PTPRJ: variants seen among roughly 807,000 people sequenced by gnomAD.
The protein encoded by PTPRJ is protein tyrosine phosphatase receptor type J, also known as receptor-type tyrosine-protein phosphatase eta.
A neutral mutation model predicts 141.3 loss-of-function variants in PTPRJ; 129 were observed. That is an observed-to-expected ratio of 0.91 (90% CI 0.79 to 1.06). The LOEUF is 1.06. PTPRJ is among the 50% of genes least tolerant of loss of function. The pLI, the probability that PTPRJ is intolerant of heterozygous loss-of-function variation, is 0.00. For synonymous variants in PTPRJ, 610 were observed against 640.5 expected (o/e 0.95, Z 0.72); for missense variants, 1,601 against 1,679.7 (o/e 0.95, Z 0.82).
intron 1 of PTPRJ, among the ~76,000 whole-genome samples, chr11:48,081,471 T>G (rs1855555559): frequency 6.6e-6 from 1 of 152,106 alleles, no homozygotes; most frequent in South Asian, 2.1e-4. Flanking sequence ...GCGGACGACT[T>G]GGGGCTGGCC....
At chr11:48,027,171 AT>A (rs959364132) in intron 1 of PTPRJ, among the ~76,000 whole-genome samples, 1 of 148,316 alleles carries the variant, frequency 6.7e-6, no homozygotes, top group African/African-American at 2.5e-5. Flanking sequence ...CGCCCAGCTA[AT>A]TTTTTTTTGT....
chr11:48,014,957 T>C (rs1308786409), intron 1 of PTPRJ, among the ~76,000 whole-genome samples: 1 of 152,148 alleles, frequency 6.6e-6, no homozygotes, highest in Non-Finnish European at 1.5e-5. Flanking sequence ...CTGCCTGCCT[T>C]GGCCTCCCAA....
At position 48,073,058 on chromosome 11, in the gene PTPRJ, G is replaced by A. The variant is rs191616961; in HGVS notation, c.97-37000G>A. ...TTCATAGATACCATTTCATTTTAAC[G>A]TGGTTCTGCTGGTCAGAACAGTCTT... On this transcript the variant is annotated intron_variant, in intron 1 of 24. Coordinates refer to ENST00000418331, the MANE Select transcript of PTPRJ (RefSeq NM_002843.4). Among the ~76,000 whole-genome samples, 452 of 152,212 alleles carry A rather than the reference G, an allele frequency of 3.0e-3. 3 individuals are homozygous for A. Among genetic ancestry groups the A allele is most frequent in the Non-Finnish European group, 2.1e-3 (141 of 68,016 alleles).
intron 1 of PTPRJ, among the ~76,000 whole-genome samples, chr11:48,019,605 ACATT>A (rs1321195280): frequency 1.3e-5 from 2 of 152,188 alleles, no homozygotes; most frequent in Non-Finnish European, 2.9e-5. Context: ...AGACTCAGGA[ACATT>A]CAGTGTTTTG....
intron 1 of PTPRJ, among the ~76,000 whole-genome samples, chr11:48,101,530 G>A (rs543897695): frequency 6.6e-6 from 1 of 152,308 alleles, no homozygotes; most frequent in Admixed American, 6.5e-5. Flanking sequence ...ACAGAGACCC[G>A]ATTAGCATTT....
chr11:48,139,430 A>G (rs377444976), intron 10 of PTPRJ, 56 bp from the exon 11 acceptor site: 13 of 1,578,250 alleles, frequency 8.2e-6, no homozygotes, highest in South Asian at 6.8e-5. Flanking sequence ...CCCTATTTCC[A>G]TGTTTGCAAA....
chr11:48,150,155 C>A lies in PTPRJ; in HGVS notation c.3110C>A (p.Ser1037Tyr), dbSNP rs765532971. The change falls in exon 18 of 25, where the codon TCC becomes TAC. Residue 1037 changes from serine (S) to tyrosine (Y), a missense_variant. Ser to Tyr is a moderately radical substitution (Grantham distance 144, BLOSUM62 -2). Transcript: ENST00000418331. Reference sequence around the variant, plus strand: ...TACTTCAAGAAGCAGCAAGCTGACTCCAACTGTGGGTTCGCAGAGGAATAC... The same window carrying A: ...TACTTCAAGAAGCAGCAAGCTGACTACAACTGTGGGTTCGCAGAGGAATAC... ...EAYFKKQQAD[S>Y]NCGFAEEYED... The A allele has an allele frequency of 6.2e-7, 1 of 1,614,090 alleles. No individual in the cohort carries two copies. The highest frequency in any genetic ancestry group is 1.1e-5 in the South Asian group (1 of 91,076).
At chr11:48,149,909 G>C in intron 16 of PTPRJ, 81 bp from the exon 17 acceptor site, 1 of 1,126,528 alleles carries the variant, frequency 8.9e-7, no homozygotes, top group South Asian at 1.5e-5. Context: ...TGTTGTTTTG[G>C]GAAGATTGTT....
chr11:48,069,233 G>A (rs1855169604), intron 1 of PTPRJ, among the ~76,000 whole-genome samples: 1 of 151,560 alleles, frequency 6.6e-6, no homozygotes, highest in African/African-American at 2.4e-5. Context: ...CCGAGTAGCT[G>A]GGATTACAGG....
chr11:48,040,944 G>T (rs1278155843), intron 1 of PTPRJ, among the ~76,000 whole-genome samples: 2 of 151,866 alleles, frequency 1.3e-5, no homozygotes, highest in African/African-American at 2.4e-5. Flanking sequence ...GAGAGCTCCG[G>T]GTTGTCCTGC....
At chr11:48,019,663 A>G (rs1855057588) in intron 1 of PTPRJ, among the ~76,000 whole-genome samples, 1 of 152,076 alleles carries the variant, frequency 6.6e-6, no homozygotes, top group African/African-American at 2.4e-5. Context: ...TTCCCCTTCT[A>G]ATTATTTATC....
At chr11:48,165,101 A>G (rs1436066028) in intron 24 of PTPRJ, among the ~76,000 whole-genome samples, 20 of 152,216 alleles carry the variant, frequency 1.3e-4, no homozygotes, top group Non-Finnish European at 2.9e-4. Flanking sequence ...GACTCATTAA[A>G]TAATCTTAGG....
At chr11:48,051,048 A>C (rs1019571146) in intron 1 of PTPRJ, among the ~76,000 whole-genome samples, 1 of 136,274 alleles carries the variant, frequency 7.3e-6, no homozygotes, top group Non-Finnish European at 1.5e-5. Flanking sequence ...GGACTAATAT[A>C]GTACTTTTCA....
At chr11:47,990,112 C>T (rs778403229) in intron 1 of PTPRJ, among the ~76,000 whole-genome samples, 11 of 152,144 alleles carry the variant, frequency 7.2e-5, no homozygotes, top group Admixed American at 1.3e-4. Flanking sequence ...TGCCACTGCA[C>T]TCCAGCCTGG....
At chr11:48,052,462 C>T (rs542768606) in intron 1 of PTPRJ, among the ~76,000 whole-genome samples, 1 of 152,316 alleles carries the variant, frequency 6.6e-6, no homozygotes, top group East Asian at 1.9e-4. Flanking sequence ...TGCAGGCCCT[C>T]AACATTCCAG....
At chr11:48,035,907 C>T (rs1322314292) in intron 1 of PTPRJ, among the ~76,000 whole-genome samples, 2 of 152,120 alleles carry the variant, frequency 1.3e-5, no homozygotes, top group Admixed American at 6.5e-5. Flanking sequence ...GTTTTTAACC[C>T]ATGTTCTATA....
chr11:48,064,151 G>A (rs1855014527), intron 1 of PTPRJ, among the ~76,000 whole-genome samples: 1 of 152,028 alleles, frequency 6.6e-6, no homozygotes, highest in Non-Finnish European at 1.5e-5. Context: ...TTTTTATGTG[G>A]GGCAGGGTCT....
At chr11:47,986,395 AG>A (rs1031285348) in intron 1 of PTPRJ, among the ~76,000 whole-genome samples, 1 of 152,206 alleles carries the variant, frequency 6.6e-6, no homozygotes, top group Non-Finnish European at 1.5e-5. Context: ...GGTGGTTGAG[AG>A]GATCAAATAA....
Position 48,027,791 on chromosome 11 carries a change from C to CAAAA in PTPRJ, c.96+46811_96+46814dup, listed in dbSNP as rs750153282. On this transcript the variant is annotated intron_variant, in intron 1 of 24. Transcript: ENST00000418331. Reference sequence around the variant, plus strand: ...GGGCAACAGAGTGAGACTCTGTCTCCAAAAAAAAAAAAAAAAAAAAAAAAA... The same window carrying CAAAA: ...GGGCAACAGAGTGAGACTCTGTCTCCAAAAAAAAAAAAAAAAAAAAAAAAAAAAA... Among the ~76,000 whole-genome samples, 106 of 32,900 alleles carry CAAAA rather than the reference C, an allele frequency of 3.2e-3. 5 individuals are homozygous for CAAAA. The highest frequency in any genetic ancestry group is 0.011 in the African/African-American group (101 of 9,454). The allele number at this position is 32,900 out of a possible 152,430, so 21.6% of individuals were successfully genotyped here. A position where few individuals can be genotyped will look rare whatever the true frequency, so the allele number is the denominator to read the frequency against.
Sources: gnomAD v4.1 joint callset for allele counts (sites outside exome capture counted in the v4.1 genomes callset) on GRCh38, gnomAD v4.1.1 for gene constraint, MANE v1.5 for transcripts, NCBI Gene and HGNC (gene_info 2026-07-23, HGNC 2026-07-21) for gene names.